The following CREB3L2 variants were observed in gnomAD, a reference collection of about 807,000 sequenced individuals.
CREB3L2 encodes the protein cAMP responsive element binding protein 3 like 2.
Under a neutral mutation model 57.2 loss-of-function variants are expected in CREB3L2, and 23 were observed. The ratio of observed to expected loss-of-function variants is 0.40; its 90% confidence interval spans 0.29 to 0.57. CREB3L2 has a LOEUF of 0.57. CREB3L2 is among the 20% of genes least tolerant of loss of function. The pLI is 0.42. For missense variants in CREB3L2, 628 were observed against 634.7 expected, an observed-to-expected ratio of 0.99 and a Z score of 0.11; for synonymous variants, 268 against 265.1, an observed-to-expected ratio of 1.01 and a Z score of -0.11.
chr7:137,966,934 C>A (rs150875721), intron 1 of CREB3L2, among the ~76,000 whole-genome samples: 2,283 of 152,280 alleles, frequency 0.015, 28 homozygotes, highest in Middle Eastern at 0.044. Flanking sequence ...TCCCTAACCC[C>A]CAATGTGATA....
At chr7:137,943,503 A>T (rs541374189) in intron 1 of CREB3L2, among the ~76,000 whole-genome samples, 2 of 152,294 alleles carry the variant, frequency 1.3e-5, no homozygotes, top group East Asian at 3.9e-4. Context: ...GCAGTATCAG[A>T]CTTAAAACTA....
chr7:137,998,828 A>T (rs11772174), intron 1 of CREB3L2, among the ~76,000 whole-genome samples: 123,407 of 152,136 alleles, frequency 0.81, 51,380 homozygotes, highest in Non-Finnish European at 0.92. Flanking sequence ...AGATGGTGAC[A>T]GCACAGCATC....
At chr7:137,931,853 A>T (rs866746488) in intron 1 of CREB3L2, among the ~76,000 whole-genome samples, 35 of 152,352 alleles carry the variant, frequency 2.3e-4, no homozygotes, top group Middle Eastern at 6.8e-3. Flanking sequence ...AATACAATTT[A>T]AAAAAATTTG....
At chr7:137,895,017 A>C (rs762109628) in intron 8 of CREB3L2, among the ~76,000 whole-genome samples, 1 of 152,212 alleles carries the variant, frequency 6.6e-6, no homozygotes, top group Admixed American at 6.5e-5. Flanking sequence ...GGTGTATCTC[A>C]AGTCTAAGCT....
At chr7:137,951,155 C>T (rs892703374) in intron 1 of CREB3L2, among the ~76,000 whole-genome samples, 5 of 152,112 alleles carry the variant, frequency 3.3e-5, no homozygotes, top group African/African-American at 7.2e-5. Flanking sequence ...CTATTTAGTG[C>T]CATGTTTTTC....
chr7:137,946,717 TTA>T (rs946105939), intron 1 of CREB3L2, among the ~76,000 whole-genome samples: 5 of 145,412 alleles, frequency 3.4e-5, no homozygotes, highest in South Asian at 2.1e-4. Flanking sequence ...TTATATATAG[TTA>T]TATATATATA....
chr7:137,942,790 T>A (rs1404549885), intron 1 of CREB3L2, among the ~76,000 whole-genome samples: 1 of 152,232 alleles, frequency 6.6e-6, no homozygotes, highest in African/African-American at 2.4e-5. Context: ...TGCTTCTGAA[T>A]GTTTGTTCAT....
intron 1 of CREB3L2, among the ~76,000 whole-genome samples, chr7:137,985,165 G>A (rs902707175): frequency 7.9e-5 from 12 of 152,192 alleles, no homozygotes; most frequent in African/African-American, 2.9e-4. Flanking sequence ...AAAGGGGGAA[G>A]GGGGCCCATT....
chr7:137,940,268 C>T (rs1451286754), intron 1 of CREB3L2, among the ~76,000 whole-genome samples: 1 of 152,180 alleles, frequency 6.6e-6, no homozygotes, highest in African/African-American at 2.4e-5. Flanking sequence ...TTTACCTCAC[C>T]AGGGGACACC....
rs777158167 is a variant in CREB3L2, at chr7:137,885,037, G to A, written c.1228C>T (p.Pro410Ser). 3 of 1,614,022 alleles carry A rather than the reference G, an allele frequency of 1.9e-6. No individual in the cohort carries two copies. The African/African-American group carries it at 4.0e-5, about 22-fold the overall frequency. Residue 410 changes from proline (P) to serine (S), a missense_variant, in exon 10 of 12, where the codon CCC (proline) becomes TCC (serine). Around this residue, in one of 3 missense-constraint regions of CREB3L2, gnomAD observed 272 missense variants for 242.7 expected, o/e 1.12. Transcript: ENST00000330387. Reference sequence around the variant, plus strand: ...GGCTCCTGCAGGGAATGCTGGCTGGGCAGAGCCATCTTGGTGGCAGAAGGA... The same window carrying A: ...GGCTCCTGCAGGGAATGCTGGCTGGACAGAGCCATCTTGGTGGCAGAAGGA... Reference protein sequence around the residue: ...PYPSATKMALPSQHSLQEPYT... With the variant: ...PYPSATKMALSSQHSLQEPYT...
At chr7:137,973,916 T>C (rs1041542089) in intron 1 of CREB3L2, among the ~76,000 whole-genome samples, 7 of 152,112 alleles carry the variant, frequency 4.6e-5, no homozygotes, top group African/African-American at 1.7e-4. Context: ...TCCAAACCAA[T>C]AACTGCTCAT....
intron 1 of CREB3L2, among the ~76,000 whole-genome samples, chr7:137,930,248 GC>G (rs373992165): frequency 6.6e-6 from 1 of 152,260 alleles, no homozygotes; most frequent in African/African-American, 2.4e-5. Context: ...AGAGATTTCT[GC>G]CTTCTTAACA....
chr7:137,911,176 A>C (rs1451543480), intron 4 of CREB3L2, among the ~76,000 whole-genome samples: 1 of 152,258 alleles, frequency 6.6e-6, no homozygotes, highest in Non-Finnish European at 1.5e-5. Context: ...GAAAGGCACT[A>C]CTGTCTGTCA....
chr7:137,924,485 A>C (rs1261884137), intron 2 of CREB3L2, among the ~76,000 whole-genome samples: 1 of 152,226 alleles, frequency 6.6e-6, no homozygotes, highest in East Asian at 1.9e-4. Flanking sequence ...GAAATATAGT[A>C]ACTCATAAAG....
rs1799771675 is a variant in CREB3L2, at chr7:137,901,988, G to A, written c.975-566C>T. ...GCAGGCAGATCACTTGAGGTCAGGA[G>A]CTCAAGAATAGCCTGGCCAACATGG... On this transcript the variant is annotated intron_variant, in intron 7 of 11. Transcript: ENST00000330387. Among the ~76,000 whole-genome samples the A allele has an allele frequency of 4.0e-5, 6 of 151,552 alleles. No homozygotes were observed. The South Asian group carries it at 1.0e-3, about 26-fold the overall frequency.
At chr7:137,959,060 C>A (rs1212796353) in intron 1 of CREB3L2, among the ~76,000 whole-genome samples, 6 of 152,206 alleles carry the variant, frequency 3.9e-5, no homozygotes, top group Non-Finnish European at 5.9e-5. Flanking sequence ...CCTATTGACT[C>A]CAAGAGACCA....
Position 137,905,764 on chromosome 7 carries a change from A to G in CREB3L2, c.853T>C (p.Leu285=). 1.2e-6 allele frequency: 2 copies of G among 1,614,012 alleles called. No individual in the cohort carries two copies. The highest frequency in any genetic ancestry group is 1.7e-6 in the Non-Finnish European group (2 of 1,179,932). The change falls in exon 6 of 12, where the codon TTG becomes CTG. Residue 285 remains leucine (L), a synonymous_variant. Transcript: ENST00000330387. The part of the protein sequence containing the change: ...IAEGYPIPTK[L]PLSKSEEKAL... ...TTCTCCTCTGATTTTGACAGGGGCA[A>G]TTTGGTGGGGATGGGATAGCCCTCA...
intron 3 of CREB3L2, among the ~76,000 whole-genome samples, chr7:137,914,563 G>A (rs1289505673): frequency 2.0e-5 from 3 of 152,254 alleles, no homozygotes; most frequent in East Asian, 1.9e-4. Context: ...CCCGGGAGGC[G>A]GAGGTTGCAG....
chr7:137,913,420 T>A (rs1800058309), intron 3 of CREB3L2, among the ~76,000 whole-genome samples: 1 of 147,964 alleles, frequency 6.8e-6, no homozygotes, highest in Non-Finnish European at 1.5e-5. Context: ...GGCAGGAGAA[T>A]CACTTGAACC....
Sources: allele counts gnomAD v4.1 joint callset (sites outside exome capture counted in the v4.1 genomes callset), GRCh38; gene constraint gnomAD v4.1.1; regional missense constraint gnomAD v4.1.1; transcripts MANE v1.5; gene names NCBI Gene and HGNC (gene_info 2026-07-23, HGNC 2026-07-21).